GAREM1: variants seen among roughly 807,000 people sequenced by gnomAD.
GAREM1 encodes the protein GRB2-associated and regulator of MAPK protein 1.
Under a neutral mutation model 71.3 loss-of-function variants are expected in GAREM1, and 26 were observed. The observed-to-expected ratio is 0.36, with a 90% CI of 0.27 to 0.51. GAREM1 has a LOEUF of 0.51. Among genes scored for constraint, GAREM1 ranks in the 20% least tolerant of loss-of-function variants. The pLI is 0.95. For missense variants in GAREM1, 1,026 were observed against 1,103.1 expected, an observed-to-expected ratio of 0.93 and a Z score of 0.99; for synonymous variants, 440 against 433.2, an observed-to-expected ratio of 1.02 and a Z score of -0.20.
At chr18:32,291,514 A>G (rs564870833) in intron 3 of GAREM1, among the ~76,000 whole-genome samples, 1 of 151,996 alleles carries the variant, frequency 6.6e-6, no homozygotes, top group East Asian at 1.9e-4. Context: ...TTTTTTTATT[A>G]TAAGTTCTGG....
chr18:32,299,125 G>C (rs766092558), intron 3 of GAREM1, among the ~76,000 whole-genome samples: 1 of 152,064 alleles, frequency 6.6e-6, no homozygotes, highest in African/African-American at 2.4e-5. Flanking sequence ...CCTCACAATT[G>C]TATCCAATTT....
At chr18:32,399,222 T>A (rs967576136) in intron 1 of GAREM1, among the ~76,000 whole-genome samples, 1 of 152,138 alleles carries the variant, frequency 6.6e-6, no homozygotes, top group Non-Finnish European at 1.5e-5. Context: ...TCATACTGAA[T>A]GGGCAAAAAA....
At chr18:32,464,957 C>A (rs1022167949) in intron 1 of GAREM1, among the ~76,000 whole-genome samples, 1 of 152,164 alleles carries the variant, frequency 6.6e-6, no homozygotes, top group South Asian at 2.1e-4. Flanking sequence ...ACTGAATAAA[C>A]AATTTACTGA....
intron 2 of GAREM1, among the ~76,000 whole-genome samples, chr18:32,330,362 G>C (rs925644300): frequency 2.6e-5 from 4 of 152,188 alleles, no homozygotes; most frequent in Non-Finnish European, 5.9e-5. Context: ...CTAGTTGTGG[G>C]GGGAGGGAAG....
rs181776085 is a variant in GAREM1 at position 32,327,050 on chromosome 18, G to A, written c.263-16727C>T. Reference sequence around the variant, plus strand: ...CACTCTTCTTTCTAATGTAAGACCAGGCTTTTTAAAAACAGGAATCACTGG... The same window carrying A: ...CACTCTTCTTTCTAATGTAAGACCAAGCTTTTTAAAAACAGGAATCACTGG... On this transcript the variant is annotated intron_variant, in intron 2 of 5. Coordinates refer to ENST00000269209, the MANE Select transcript of GAREM1 (RefSeq NM_001242409.2). 3.9e-5 allele frequency among the ~76,000 whole-genome samples: 6 copies of A among 152,248 alleles called. No homozygotes were observed. The East Asian group carries it at 1.2e-3, about 29-fold the overall frequency.
rs1482852870 is a variant in GAREM1 at position 32,313,399 on chromosome 18, G to GA, written c.263-3077dup. Among the ~76,000 whole-genome samples the GA allele has an allele frequency of 2.6e-5, 4 of 152,124 alleles. No individual in the cohort carries two copies. The East Asian group carries it at 5.8e-4, about 22-fold the overall frequency. On this transcript the variant is annotated intron_variant, in intron 2 of 5. Coordinates refer to ENST00000269209, the MANE Select transcript of GAREM1 (RefSeq NM_001242409.2). ...AGGAGAGAAGTCAGTGCATGCAGTT[G>GA]AAAAAATGGAAGGATGGAGTTGTTG...
intron 2 of GAREM1, among the ~76,000 whole-genome samples, chr18:32,361,113 A>G (rs1052200134): frequency 6.6e-6 from 1 of 152,228 alleles, no homozygotes; most frequent in Non-Finnish European, 1.5e-5. Flanking sequence ...GGTCTTAGGC[A>G]GGTAGGTGGT....
At chr18:32,282,785 T>C (rs75048691) in intron 4 of GAREM1, among the ~76,000 whole-genome samples, 1 of 152,352 alleles carries the variant, frequency 6.6e-6, no homozygotes, top group East Asian at 1.9e-4. Context: ...GATCTATTTA[T>C]AGAATTTTGT....
At chr18:32,330,487 T>C (rs1180910808) in intron 2 of GAREM1, among the ~76,000 whole-genome samples, 1 of 152,158 alleles carries the variant, frequency 6.6e-6, no homozygotes, top group African/African-American at 2.4e-5. Context: ...CCTGCACATG[T>C]ATCCCCTGAA....
At chr18:32,390,204 C>T (rs1352052200) in intron 2 of GAREM1, among the ~76,000 whole-genome samples, 2 of 151,836 alleles carry the variant, frequency 1.3e-5, no homozygotes, top group African/African-American at 4.8e-5. Context: ...TATAAAACCA[C>T]ACTGCCTTCT....
At chr18:32,469,913 A>C (rs2049033090) in intron 1 of GAREM1, among the ~76,000 whole-genome samples, 2 of 152,126 alleles carry the variant, frequency 1.3e-5, no homozygotes, top group East Asian at 3.9e-4. Flanking sequence ...GAGAGCACCC[A>C]AATTAAGATG....
chr18:32,364,026 ATGT>A (rs1370557371), intron 2 of GAREM1, among the ~76,000 whole-genome samples: 1 of 46,416 alleles, frequency 2.2e-5, no homozygotes, highest in African/African-American at 1.6e-4. Flanking sequence ...ATATATATAT[ATGT>A]TTTTTTTTTT....
intron 1 of GAREM1, among the ~76,000 whole-genome samples, chr18:32,458,334 A>C (rs1254958755): frequency 6.6e-6 from 1 of 152,048 alleles, no homozygotes; most frequent in African/African-American, 2.4e-5. Context: ...TGAACACACA[A>C]CATGGTTTTA....
At chr18:32,411,247 T>G (rs1188516693) in intron 1 of GAREM1, among the ~76,000 whole-genome samples, 1 of 152,152 alleles carries the variant, frequency 6.6e-6, no homozygotes, top group Non-Finnish European at 1.5e-5. Flanking sequence ...CTAACAAAAT[T>G]AAGGAGTGAT....
chr18:32,426,993 G>A (rs1325721680), intron 1 of GAREM1, among the ~76,000 whole-genome samples: 1 of 151,930 alleles, frequency 6.6e-6, no homozygotes, highest in Non-Finnish European at 1.5e-5. Flanking sequence ...AATTGCATAG[G>A]AGCCCTTTCT....
chr18:32,387,512 T>C (rs1366146969), intron 2 of GAREM1, among the ~76,000 whole-genome samples: 1 of 152,214 alleles, frequency 6.6e-6, no homozygotes, highest in Admixed American at 6.5e-5. Flanking sequence ...TGAATACAAT[T>C]TGTACGAATG....
At chr18:32,410,767 T>G (rs565886691) in intron 1 of GAREM1, among the ~76,000 whole-genome samples, 1 of 152,184 alleles carries the variant, frequency 6.6e-6, no homozygotes, top group Non-Finnish European at 1.5e-5. Context: ...TAGTACTGTA[T>G]AGATAGAAGT....
At chr18:32,396,648 G>A (rs1313532238) in intron 1 of GAREM1, among the ~76,000 whole-genome samples, 3 of 152,160 alleles carry the variant, frequency 2.0e-5, no homozygotes, top group Non-Finnish European at 4.4e-5. Flanking sequence ...AAGAAATATG[G>A]GACTATGTGA....
intron 2 of GAREM1, among the ~76,000 whole-genome samples, chr18:32,372,067 GGGTTAAA>G (rs1185882862): frequency 6.6e-6 from 1 of 152,182 alleles, no homozygotes; most frequent in East Asian, 1.9e-4. Context: ...TGTAGAAACA[GGGTTAAA>G]GGTGGATCGG....
Sources: allele counts gnomAD v4.1 joint callset (sites outside exome capture counted in the v4.1 genomes callset), GRCh38; gene constraint gnomAD v4.1.1; transcripts MANE v1.5; gene names NCBI Gene and HGNC (gene_info 2026-07-23, HGNC 2026-07-21).